The following CALN1 variants were observed in gnomAD, a reference collection of about 807,000 sequenced individuals.
CALN1 encodes calcium-binding protein 8.
A neutral mutation model predicts 30.6 loss-of-function variants in CALN1; 17 were observed. The observed-to-expected ratio is 0.56, with a 90% CI of 0.38 to 0.83. The LOEUF (loss-of-function observed/expected upper bound fraction) is 0.83. Among genes scored for constraint, CALN1 ranks in the 40% least tolerant of loss-of-function variants. The probability of loss-of-function intolerance (pLI) is 0.00; values close to 1 mark genes in which losing one functional copy is unlikely to be tolerated. For synonymous variants in CALN1, 156 were observed against 131.4 expected (o/e 1.19, Z -1.28); for missense variants, 291 against 354.9 (o/e 0.82, Z 1.45).
chr7:71,944,614 A>AAAAAG (rs1796314381), intron 5 of CALN1, among the ~76,000 whole-genome samples: 4 of 150,872 alleles, frequency 2.7e-5, no homozygotes, highest in Admixed American at 6.6e-5. Flanking sequence ...AAAAAAAAAA[A>AAAAAG]AAAGAAAGAA....
At chr7:71,868,563 G>A (rs967442901) in intron 5 of CALN1, among the ~76,000 whole-genome samples, 1 of 151,892 alleles carries the variant, frequency 6.6e-6, no homozygotes, top group Non-Finnish European at 1.5e-5. Context: ...GTAGAGACAG[G>A]GTTTCGCCAC....
chr7:72,352,546 C>T (rs902237989), intron 2 of CALN1, among the ~76,000 whole-genome samples: 6 of 151,880 alleles, frequency 4.0e-5, no homozygotes, highest in Admixed American at 1.3e-4. Flanking sequence ...TTGCATAATG[C>T]GTATGTCAAA....
rs34607350 is a variant in CALN1 at position 72,204,155 on chromosome 7, A to ATTT, written c.244+74528_244+74530dup. Among the ~76,000 whole-genome samples the ATTT allele has an allele frequency of 3.4e-3, 482 of 141,834 alleles. 7 individuals are homozygous for ATTT. The highest frequency in any genetic ancestry group is 0.027 in the East Asian group (129 of 4,762). 93.0% of individuals were successfully genotyped at this position (141,834 alleles called of 152,430 possible). The stretch of plus-strand genomic sequence containing the variant: ...AGGCACCTGTCACCACACCTGGCTA[A>ATTT]TTTTTTTTTTTTTGTATTTTTATTA... On this transcript the variant is annotated intron_variant, in intron 3 of 6. Coordinates refer to ENST00000395275, the MANE Select transcript of CALN1 (RefSeq NM_031468.4).
intron 4 of CALN1, among the ~76,000 whole-genome samples, chr7:72,080,212 T>C (rs922479574): frequency 2.0e-5 from 3 of 152,290 alleles, no homozygotes; most frequent in Admixed American, 1.3e-4. Flanking sequence ...TTCATTTTTT[T>C]CCCCACCACT....
At chr7:72,383,629 A>G (rs577910852) in intron 2 of CALN1, among the ~76,000 whole-genome samples, 35 of 152,270 alleles carry the variant, frequency 2.3e-4, no homozygotes, top group African/African-American at 8.2e-4. Context: ...TTGTATAACT[A>G]CAAGTATAGG....
In CALN1 at chr7:72,403,346, T is replaced by A. The variant is rs751564585; in HGVS notation, c.24A>T (p.Gly8=). Residue 8 remains glycine (G), a synonymous_variant, in exon 2 of 7, where the codon GGA becomes GGT. Transcript: ENST00000395275. The stretch of plus-strand genomic sequence containing the variant: ...TTTTCTCATTCTCGGGCTTCCCCTC[T>A]CCGGGTTGCTCTGGCAGCCGCATCG... The part of the protein sequence containing the change: MRLPEQP[G]EGKPENEKKG... 1.9e-6 allele frequency: 3 copies of A among 1,548,538 alleles called. No homozygotes were observed. In the East Asian group the frequency reaches 7.3e-5, roughly 38 times the overall value.
At chr7:72,074,499 C>CCA (rs1224958393) in intron 4 of CALN1, among the ~76,000 whole-genome samples, 2 of 152,158 alleles carry the variant, frequency 1.3e-5, no homozygotes, top group Non-Finnish European at 2.9e-5. Flanking sequence ...CCTCTGCCTC[C>CCA]CACGTTCAAG....
intron 3 of CALN1, among the ~76,000 whole-genome samples, chr7:72,249,201 G>A (rs1795383614): frequency 6.6e-6 from 1 of 152,138 alleles, no homozygotes; most frequent in East Asian, 1.9e-4. Context: ...GCCTGGCTCA[G>A]TATCACTGAT....
chr7:72,405,015 A>G (rs963904866), intron 1 of CALN1, among the ~76,000 whole-genome samples: 2 of 152,190 alleles, frequency 1.3e-5, no homozygotes, highest in African/African-American at 2.4e-5. Flanking sequence ...GTCTTAGCTC[A>G]GAGCTGGACC....
intron 4 of CALN1, among the ~76,000 whole-genome samples, chr7:72,026,000 G>T (rs920641301): frequency 6.6e-6 from 1 of 152,100 alleles, no homozygotes; most frequent in East Asian, 1.9e-4. Flanking sequence ...AAATGAAGAG[G>T]GGCAGTCGGT....
At chr7:72,091,475 C>A (rs1805857289) in intron 4 of CALN1, among the ~76,000 whole-genome samples, 1 of 152,206 alleles carries the variant, frequency 6.6e-6, no homozygotes, top group African/African-American at 2.4e-5. Flanking sequence ...GATCATCACA[C>A]ATCATATGCT....
At chr7:71,954,593 A>G (rs1796864084) in intron 5 of CALN1, among the ~76,000 whole-genome samples, 1 of 152,248 alleles carries the variant, frequency 6.6e-6, no homozygotes, top group Non-Finnish European at 1.5e-5. Context: ...CCATGGCTCC[A>G]GTGAGCTGTG....
intron 3 of CALN1, among the ~76,000 whole-genome samples, chr7:72,203,975 C>CTTTTT (rs1562730767): frequency 7.9e-5 from 8 of 101,580 alleles, no homozygotes; most frequent in African/African-American, 3.2e-4. Flanking sequence ...TAAGAGGCCT[C>CTTTTT]TCTCTTTTTT....
At chr7:72,170,093 G>C (rs1788831767) in intron 3 of CALN1, among the ~76,000 whole-genome samples, 1 of 152,162 alleles carries the variant, frequency 6.6e-6, no homozygotes, top group South Asian at 2.1e-4. Context: ...GGAACACCTA[G>C]GCTCAAGCAA....
chr7:71,923,820 C>G (rs771405187), intron 5 of CALN1, among the ~76,000 whole-genome samples: 7 of 152,112 alleles, frequency 4.6e-5, no homozygotes, highest in Admixed American at 1.3e-4. Context: ...GTGGCCCCCA[C>G]TAACATTTGA....
intron 3 of CALN1, among the ~76,000 whole-genome samples, chr7:72,157,226 C>T (rs34310597): frequency 0.23 from 35,570 of 152,058 alleles, 5,113 homozygotes; most frequent in East Asian, 0.67. Flanking sequence ...CGTTGCATGC[C>T]AAGTACTGCA....
intron 2 of CALN1, among the ~76,000 whole-genome samples, chr7:72,384,270 T>C (rs970721896): frequency 3.3e-5 from 5 of 152,174 alleles, no homozygotes; most frequent in African/African-American, 1.2e-4. Flanking sequence ...TGTCTGCAAG[T>C]GTGTGCATAT....
chr7:71,788,447 G>A (rs144882658), intron 6 of CALN1, among the ~76,000 whole-genome samples: 4 of 149,118 alleles, frequency 2.7e-5, no homozygotes, highest in Non-Finnish European at 5.9e-5. Context: ...CAGTGGGGTC[G>A]TTGGACAAGC....
intron 2 of CALN1, among the ~76,000 whole-genome samples, chr7:72,381,688 T>C (rs766438852): frequency 4.6e-5 from 7 of 151,906 alleles, no homozygotes; most frequent in Non-Finnish European, 8.8e-5. Context: ...CATCACACAC[T>C]GGGGCCTGTC....
Sources: gnomAD v4.1 joint callset for allele counts (sites outside exome capture counted in the v4.1 genomes callset) on GRCh38, gnomAD v4.1.1 for gene constraint, MANE v1.5 for transcripts, NCBI Gene and HGNC (gene_info 2026-07-23, HGNC 2026-07-21) for gene names.